SERPINB10: variants seen among roughly 807,000 people sequenced by gnomAD.
SERPINB10 encodes the protein serpin family B member 10.
A neutral mutation model predicts 39.1 loss-of-function variants in SERPINB10; 35 were observed. The observed-to-expected ratio is 0.90, with a 90% confidence interval of 0.68 to 1.19. The LOEUF (loss-of-function observed/expected upper bound fraction) is 1.19. Among genes scored for constraint, SERPINB10 ranks in the 50% most tolerant of loss-of-function variants. The pLI is 0.00. For synonymous variants in SERPINB10, 190 were observed against 158.1 expected (o/e 1.20, Z -1.52); for missense variants, 546 against 460.5 (o/e 1.19, Z -1.70).
In SERPINB10 at chr18:63,935,935, T is replaced by G. The variant is rs1225821939; in HGVS notation, c.*693T>G. The G allele has an allele frequency of 6.6e-6, 1 of 152,224 alleles. No homozygotes were observed. The highest frequency in any genetic ancestry group is 6.5e-5 in the Admixed American group (1 of 15,286). The allele number at this position is 152,224 out of a possible 1,614,324, so 9.4% of individuals were successfully genotyped here. A position where few individuals can be genotyped will look rare whatever the true frequency, so the allele number is the denominator to read the frequency against. On this transcript the variant is annotated 3_prime_UTR_variant, in exon 8 of 8. Transcript: ENST00000238508. ...AGTGAAATCCAAATGAAATTTGAAG[T>G]TTAGCTAGTAGCAATCTCTCAATGT... is the stretch of plus-strand genomic sequence containing the variant.
At position 63,929,976 on chromosome 18, in the gene SERPINB10, C is replaced by T; in HGVS notation, c.491-69C>T. Reference sequence around the variant, plus strand: ...TTTATAGTTCCAGAAAAAATAGAAGCCTGGTTGTCTTTAGTTAAAATATAC... The same window carrying T: ...TTTATAGTTCCAGAAAAAATAGAAGTCTGGTTGTCTTTAGTTAAAATATAC... On this transcript the variant is annotated intron_variant, in intron 5 of 7. Transcript: ENST00000238508. 9 of 1,499,670 alleles carry T rather than the reference C, an allele frequency of 6.0e-6. No individual in the cohort carries two copies. In the East Asian group the frequency reaches 9.2e-5, roughly 15 times the overall value. 92.9% of individuals were successfully genotyped at this position (1,499,670 alleles called of 1,614,324 possible). A position where few individuals can be genotyped will look rare whatever the true frequency, so the allele number is the denominator to read the frequency against.
At chr18:63,918,752 G>C (rs1182837098) in intron 4 of SERPINB10, among the ~76,000 whole-genome samples, 1 of 151,964 alleles carries the variant, frequency 6.6e-6, no homozygotes, top group East Asian at 1.9e-4. Flanking sequence ...TTCAGGAATT[G>C]AGCTTTGTTA....
chr18:63,921,964 G>C (rs1304972128), intron 5 of SERPINB10, among the ~76,000 whole-genome samples: 3 of 151,812 alleles, frequency 2.0e-5, no homozygotes, highest in Non-Finnish European at 2.9e-5. Context: ...ACTTCTCAGG[G>C]CTTCATTCAG....
rs1267374826 is a variant in SERPINB10 at position 63,936,004 on chromosome 18, T to G, written c.*762T>G. 6.6e-6 allele frequency: 1 copy of G among 152,256 alleles called. No individual in the cohort carries two copies. Among genetic ancestry groups the G allele is most frequent in the Non-Finnish European group, 1.5e-5 (1 of 68,042 alleles). 9.4% of individuals were successfully genotyped at this position (152,256 alleles called of 1,614,324 possible). On this transcript the variant is annotated 3_prime_UTR_variant, in exon 8 of 8. Transcript: ENST00000238508. The stretch of plus-strand genomic sequence containing the variant: ...AAATGTACCGTGGTCATGTAAGATG[T>G]TATCACTTGGGGAAACTGTACTGGA...
intron 2 of SERPINB10, among the ~76,000 whole-genome samples, chr18:63,917,119 C>T (rs530768683): frequency 5.3e-5 from 8 of 152,088 alleles, no homozygotes; most frequent in Admixed American, 3.9e-4. Flanking sequence ...ATGATGGTCT[C>T]AGTTGGACAC....
intron 2 of SERPINB10, 56 bp downstream of exon 2, chr18:63,915,734 C>A: frequency 1.4e-6 from 2 of 1,425,870 alleles, no homozygotes; most frequent in Non-Finnish European, 1.9e-6. Context: ...GCTTTCATTG[C>A]CTTTTAACTT....
intron 6 of SERPINB10, 25 bp downstream of exon 6, chr18:63,930,212 T>C (rs2050212477): frequency 6.2e-7 from 1 of 1,609,906 alleles, no homozygotes. Flanking sequence ...AAGATCAGTT[T>C]GGATTTTCAC....
chr18:63,910,665 T>C (rs2050057698), intron 1 of SERPINB10, among the ~76,000 whole-genome samples: 2 of 152,064 alleles, frequency 1.3e-5, no homozygotes, highest in African/African-American at 2.4e-5. Context: ...TTCCATGGTG[T>C]GTATGTACCA....
At position 63,915,689 on chromosome 18, in the gene SERPINB10, A is replaced by T. The variant is rs1470162156; in HGVS notation, c.168+11A>T. On this transcript the variant is annotated intron_variant, in intron 2 of 7. Coordinates refer to ENST00000238508, the MANE Select transcript of SERPINB10 (RefSeq NM_005024.3). ...GCCCAAATGGCCCAGGTGAGTGGAA[A>T]AGGTCAACTATCTTCTGTTTCTTGT... 1 of 1,590,124 alleles carries T rather than the reference A, an allele frequency of 6.3e-7. No individual in the cohort carries two copies. Among genetic ancestry groups the T allele is most frequent in the African/African-American group, 1.3e-5 (1 of 74,114 alleles).
chr18:63,917,571 T>C lies in SERPINB10; in HGVS notation c.234+50T>C, dbSNP rs769592849. The C allele has an allele frequency of 7.5e-6, 8 of 1,070,622 alleles. No homozygotes were observed. The Admixed American group carries it at 1.2e-4, about 16-fold the overall frequency. 66.3% of individuals were successfully genotyped at this position (1,070,622 alleles called of 1,614,324 possible). ...TTTCATAATTAAGGAAAAAGTACTT[T>C]TAGCACATGTATTTTAGTGATAACT... On this transcript the variant is annotated intron_variant, in intron 3 of 7. Coordinates refer to ENST00000238508, the MANE Select transcript of SERPINB10 (RefSeq NM_005024.3).
chr18:63,917,970 C>G lies in SERPINB10; in HGVS notation c.240C>G (p.Phe80Leu). Reference sequence around the variant, plus strand: ...TAGTTCCTTCTCTTTTAAAGGAATTCAACTTGAGCAACTCGGAAGAAATAC... The same window carrying G: ...TAGTTCCTTCTCTTTTAAAGGAATTGAACTTGAGCAACTCGGAAGAAATAC... ...PESEKKRKMEFNLSNSEEIHS... is the reference protein window; with the variant it reads ...PESEKKRKMELNLSNSEEIHS... The change falls in exon 4 of 8, where the codon TTC becomes TTG. Residue 80 changes from phenylalanine (F) to leucine (L), a missense_variant. Physicochemically the swap from Phe to Leu is conservative, Grantham distance 22 (BLOSUM62 0). Coordinates refer to ENST00000238508, the MANE Select transcript of SERPINB10 (RefSeq NM_005024.3). The G allele has an allele frequency of 6.2e-7, 1 of 1,611,476 alleles. No homozygotes were observed. Among genetic ancestry groups the G allele is most frequent in the Non-Finnish European group, 8.5e-7 (1 of 1,178,464 alleles).
chr18:63,935,374 AT>A lies in SERPINB10; in HGVS notation c.*133del. ...TTCACATTTGAATATAAGTAAATAG[AT>A]CTTGAAATAATGCATTCTAATGATC... On this transcript the variant is annotated 3_prime_UTR_variant, in exon 8 of 8. Transcript: ENST00000238508. The A allele has an allele frequency of 1.1e-6, 1 of 876,378 alleles. No individual in the cohort carries two copies. Among genetic ancestry groups the A allele is most frequent in the South Asian group, 1.8e-5 (1 of 54,766 alleles). The allele number at this position is 876,378 out of a possible 1,614,324, so 54.3% of individuals were successfully genotyped here.
chr18:63,919,679 G>A, intron 4 of SERPINB10, 109 bp from the exon 5 acceptor site: 1 of 674,940 alleles, frequency 1.5e-6, no homozygotes, highest in Non-Finnish European at 2.6e-6. Flanking sequence ...GTGATGGTGT[G>A]GGAGTGTGCA....
chr18:63,915,410 G>A (rs1338044643), intron 1 of SERPINB10, 92 bp from the exon 2 acceptor site: 2 of 828,624 alleles, frequency 2.4e-6, no homozygotes, highest in Admixed American at 2.5e-5. Flanking sequence ...AATGTATATG[G>A]ATATGTATGC....
chr18:63,924,174 A>G (rs2050164851), intron 5 of SERPINB10, among the ~76,000 whole-genome samples: 1 of 151,946 alleles, frequency 6.6e-6, no homozygotes, highest in African/African-American at 2.4e-5. Flanking sequence ...TGGCAACCCC[A>G]GTTTACCAGT....
chr18:63,926,015 T>G (rs1398674177), intron 5 of SERPINB10, among the ~76,000 whole-genome samples: 1 of 152,028 alleles, frequency 6.6e-6, no homozygotes. Flanking sequence ...GTGGTTGTAT[T>G]AGTTTCCTAG....
intron 4 of SERPINB10, among the ~76,000 whole-genome samples, chr18:63,919,542 A>G (rs2050130832): frequency 6.6e-6 from 1 of 151,932 alleles, no homozygotes; most frequent in East Asian, 1.9e-4. Flanking sequence ...GGAAGCCCCA[A>G]AAATGTGGGC....
At position 63,929,945 on chromosome 18, in the gene SERPINB10, A is replaced by G. The variant is rs551946641; in HGVS notation, c.491-100A>G. 1.4e-4 allele frequency: 181 copies of G among 1,274,808 alleles called. 1 individual carries two copies. The East Asian group carries it at 4.4e-3, about 31-fold the overall frequency. The allele number at this position is 1,274,808 out of a possible 1,614,324, so 79.0% of individuals were successfully genotyped here. A position where few individuals can be genotyped will look rare whatever the true frequency, so the allele number is the denominator to read the frequency against. On this transcript the variant is annotated intron_variant, in intron 5 of 7. Coordinates refer to ENST00000238508, the MANE Select transcript of SERPINB10 (RefSeq NM_005024.3). ...AAATCAAAAACCAGGACTTTTAAAG[A>G]AAACTTTTATAGTTCCAGAAAAAAT...
rs1005431755 is a variant in SERPINB10 at position 63,935,425 on chromosome 18, G to C, written c.*183G>C. ...CCTGTCATATCTGTACAGCTGGAGA[G>C]AATGACGATTTTTATTTTTAACACG... On this transcript the variant is annotated 3_prime_UTR_variant, in exon 8 of 8. Coordinates refer to ENST00000238508, the MANE Select transcript of SERPINB10 (RefSeq NM_005024.3). 4 of 552,482 alleles carry C rather than the reference G, an allele frequency of 7.2e-6. No homozygotes were observed. Among genetic ancestry groups the C allele is most frequent in the Non-Finnish European group, 1.2e-5 (4 of 334,634 alleles). The allele number at this position is 552,482 out of a possible 1,614,324, so 34.2% of individuals were successfully genotyped here.
Sources: gnomAD v4.1 joint callset for allele counts (sites outside exome capture counted in the v4.1 genomes callset) on GRCh38, gnomAD v4.1.1 for gene constraint, MANE v1.5 for transcripts, NCBI Gene and HGNC (gene_info 2026-07-23, HGNC 2026-07-21) for gene names.